Variants in GADL1 observed in about 807,000 individuals in gnomAD.
GADL1 encodes acidic amino acid decarboxylase GADL1.
Under a neutral mutation model 69.5 loss-of-function variants are expected in GADL1, and 71 were observed. The ratio of observed to expected loss-of-function variants is 1.02; its 90% CI spans 0.84 to 1.25. The LOEUF is 1.25. GADL1 is among the 50% of genes most tolerant of loss of function. The probability of loss-of-function intolerance (pLI) is 0.00; values close to 1 mark genes in which losing one functional copy is unlikely to be tolerated. For synonymous variants in GADL1, 254 were observed against 214.4 expected (o/e 1.18, Z -1.62); for missense variants, 737 against 631.8 (o/e 1.17, Z -1.79).
chr3:30,801,251 GA>G (rs1360477261), intron 11 of GADL1, among the ~76,000 whole-genome samples, 163 bp from the exon 12 acceptor site: 3 of 152,192 alleles, frequency 2.0e-5, no homozygotes, highest in South Asian at 2.1e-4. Context: ...TTGACTTTCA[GA>G]TACACATTAC....
Position 30,839,061 on chromosome 3 carries a change from G to A in GADL1, c.839C>T (p.Ala280Val), listed in dbSNP as rs747346554. The A allele has an allele frequency of 6.2e-7, 1 of 1,607,866 alleles. No individual in the cohort carries two copies. Among genetic ancestry groups the A allele is most frequent in the South Asian group, 1.1e-5 (1 of 89,548 alleles). Reference sequence around the variant, plus strand: ...TGCTATTTCATCCAGAGGGTCAAAAGCTCCCAACACAGTTGTACCAGAAGT... The same window carrying A: ...TGCTATTTCATCCAGAGGGTCAAAAACTCCCAACACAGTTGTACCAGAAGT... ...CATSGTTVLG[A>V]FDPLDEIADI... The change falls in exon 9 of 15, where the codon GCT becomes GTT. Residue 280 changes from alanine (A) to valine (V), a missense_variant. Physicochemically the swap from Ala to Val is moderately conservative, Grantham distance 64 (BLOSUM62 0). Coordinates refer to ENST00000282538, the MANE Select transcript of GADL1 (RefSeq NM_207359.3).
chr3:30,754,725 A>G (rs1396386633), intron 14 of GADL1, among the ~76,000 whole-genome samples: 1 of 152,238 alleles, frequency 6.6e-6, no homozygotes, highest in Non-Finnish European at 1.5e-5. Context: ...CTGACAGAGC[A>G]AATTAAGCAG....
At chr3:30,760,360 G>A (rs1467179832) in intron 14 of GADL1, among the ~76,000 whole-genome samples, 2 of 152,008 alleles carry the variant, frequency 1.3e-5, no homozygotes, top group East Asian at 3.9e-4. Flanking sequence ...TTAAGCTTTA[G>A]TCTCTTTTAA....
intron 11 of GADL1, among the ~76,000 whole-genome samples, chr3:30,819,827 T>A (rs1386081931): frequency 6.6e-6 from 1 of 152,024 alleles, no homozygotes; most frequent in Non-Finnish European, 1.5e-5. Context: ...CTAAGATCTT[T>A]GAAAATCTTA....
chr3:30,791,072 G>T (rs1696902457), intron 12 of GADL1, among the ~76,000 whole-genome samples: 1 of 151,876 alleles, frequency 6.6e-6, no homozygotes, highest in Non-Finnish European at 1.5e-5. Flanking sequence ...TTTACCTGAG[G>T]GAGGGGGAAA....
chr3:30,821,974 A>G (rs920992080), intron 11 of GADL1, among the ~76,000 whole-genome samples: 1 of 152,040 alleles, frequency 6.6e-6, no homozygotes, highest in African/African-American at 2.4e-5. Flanking sequence ...GTTTTATTAC[A>G]AATTATTTTC....
intron 1 of GADL1, among the ~76,000 whole-genome samples, chr3:30,868,845 G>C (rs1479825955): frequency 2.6e-5 from 4 of 151,864 alleles, no homozygotes; most frequent in African/African-American, 7.3e-5. Flanking sequence ...GGACAGAAAT[G>C]AGAAACAATG....
intron 3 of GADL1, 38 bp from the exon 4 acceptor site, chr3:30,854,827 TA>T (rs112640860): frequency 0.011 from 9,272 of 848,678 alleles, 11 homozygotes; most frequent in African/African-American, 0.018. Context: ...TATGCAGCAA[TA>T]AAAAAAAAAA....
rs554820839 is a variant in GADL1 at position 30,797,201 on chromosome 3, G to A, written c.1250+3688C>T. Among the ~76,000 whole-genome samples the A allele has an allele frequency of 9.9e-5, 15 of 152,194 alleles. No homozygotes were observed. In the South Asian group the frequency reaches 2.9e-3, roughly 29 times the overall value. ...GATCAAGGAATATGAAAGACGTGGC[G>A]AGTAGACTCAAACACCCCAGCTGCT... On this transcript the variant is annotated intron_variant, in intron 12 of 14. Transcript: ENST00000282538.
At chr3:30,886,612 A>T (rs1698715093) in intron 1 of GADL1, among the ~76,000 whole-genome samples, 1 of 152,128 alleles carries the variant, frequency 6.6e-6, no homozygotes, top group African/African-American at 2.4e-5. Flanking sequence ...GAGCCTGTTG[A>T]GGTAGAATGA....
In GADL1 at chr3:30,768,012, T is replaced by G. The variant is rs559001543; in HGVS notation, c.1392+10167A>C. Among the ~76,000 whole-genome samples the G allele has an allele frequency of 2.4e-4, 34 of 144,158 alleles. No individual in the cohort carries two copies. In the South Asian group the frequency reaches 7.3e-3, roughly 31 times the overall value. 94.6% of individuals were successfully genotyped at this position (144,158 alleles called of 152,430 possible). A position where few individuals can be genotyped will look rare whatever the true frequency, so the allele number is the denominator to read the frequency against. On this transcript the variant is annotated intron_variant, in intron 14 of 14. Coordinates refer to ENST00000282538, the MANE Select transcript of GADL1 (RefSeq NM_207359.3). Reference sequence around the variant, plus strand: ...CAAAATAAACTTGAGATAGGATTTTTTACCTTCTAAATAACTCCCCATACC... The same window carrying G: ...CAAAATAAACTTGAGATAGGATTTTGTACCTTCTAAATAACTCCCCATACC...
At chr3:30,868,207 C>G (rs1698431469) in intron 1 of GADL1, among the ~76,000 whole-genome samples, 2 of 152,008 alleles carry the variant, frequency 1.3e-5, no homozygotes, top group Admixed American at 1.3e-4. Flanking sequence ...TATGTGAAGA[C>G]TTTTTATCAA....
At chr3:30,814,083 C>T (rs1311839973) in intron 11 of GADL1, among the ~76,000 whole-genome samples, 1 of 152,152 alleles carries the variant, frequency 6.6e-6, no homozygotes, top group Non-Finnish European at 1.5e-5. Context: ...CAATGCACTG[C>T]ACACGTTTGA....
intron 14 of GADL1, among the ~76,000 whole-genome samples, chr3:30,740,253 C>T (rs1404343971): frequency 1.3e-5 from 2 of 152,064 alleles, no homozygotes; most frequent in South Asian, 2.1e-4. Flanking sequence ...AGTTTGAATT[C>T]GACTGGTAAT....
chr3:30,785,159 G>T (rs1009510797), intron 13 of GADL1, among the ~76,000 whole-genome samples: 1 of 151,620 alleles, frequency 6.6e-6, no homozygotes, highest in Non-Finnish European at 1.5e-5. Context: ...CTAATTATTT[G>T]TATACTAGAT....
At chr3:30,811,197 C>T (rs1381257647) in intron 11 of GADL1, among the ~76,000 whole-genome samples, 1 of 152,062 alleles carries the variant, frequency 6.6e-6, no homozygotes, top group African/African-American at 2.4e-5. Context: ...CCTTAAATAC[C>T]CCTAACTAAG....
intron 11 of GADL1, among the ~76,000 whole-genome samples, chr3:30,824,353 C>A (rs1361371545): frequency 2.0e-5 from 3 of 150,532 alleles, no homozygotes; most frequent in African/African-American, 7.4e-5. Flanking sequence ...TTAACACCAG[C>A]AAAAATGAAA....
At chr3:30,751,841 C>T (rs762879583) in intron 14 of GADL1, among the ~76,000 whole-genome samples, 4 of 152,164 alleles carry the variant, frequency 2.6e-5, no homozygotes, top group Non-Finnish European at 5.9e-5. Flanking sequence ...TCTGACTAAA[C>T]ACAGAAGTAG....
intron 14 of GADL1, among the ~76,000 whole-genome samples, chr3:30,729,220 G>A (rs1695417555): frequency 6.6e-6 from 1 of 152,112 alleles, no homozygotes; most frequent in Non-Finnish European, 1.5e-5. Flanking sequence ...GGGAAAATCA[G>A]TCCATTTTCT....
Sources: gnomAD v4.1 joint callset for allele counts (sites outside exome capture counted in the v4.1 genomes callset) on GRCh38, gnomAD v4.1.1 for gene constraint, MANE v1.5 for transcripts, NCBI Gene and HGNC (gene_info 2026-07-23, HGNC 2026-07-21) for gene names.